The following ZIC4 variants were observed in gnomAD, a reference collection of about 807,000 sequenced individuals.
The protein encoded by ZIC4 is zinc finger protein ZIC 4.
In ZIC4, 15 loss-of-function variants were observed where a neutral mutation model predicts 28.8. That is an observed-to-expected ratio of 0.52 (90% CI 0.35 to 0.80). ZIC4 has a LOEUF of 0.80. ZIC4 is among the 30% of genes least tolerant of loss of function. ZIC4 has a pLI of 0.01. For synonymous variants in ZIC4, 220 were observed against 198.1 expected (o/e 1.11, Z -0.93); for missense variants, 512 against 467.1 (o/e 1.10, Z -0.89).
chr3:147,403,317 C>T (rs1276107060), intron 1 of ZIC4, among the ~76,000 whole-genome samples: 1 of 152,126 alleles, frequency 6.6e-6, no homozygotes, highest in Non-Finnish European at 1.5e-5. Flanking sequence ...TCCTGTTCTG[C>T]CTGTGGTGGT....
In ZIC4 at chr3:147,405,253, C is replaced by T. The variant is rs565892900; in HGVS notation, c.-16+1110G>A. 3.3e-5 allele frequency: 31 copies of T among 935,978 alleles called. No individual in the cohort carries two copies. In the African/African-American group the frequency reaches 4.8e-4, roughly 15 times the overall value. 58.0% of individuals were successfully genotyped at this position (935,978 alleles called of 1,614,324 possible). ...AGTAGATCAGGCTGGGCATTTAGCCCTCCCTTTGAATCACCCCTCCCCCAA... is the reference window on the plus strand; with the variant it reads ...AGTAGATCAGGCTGGGCATTTAGCCTTCCCTTTGAATCACCCCTCCCCCAA... On this transcript the variant is annotated intron_variant, in intron 1 of 4. Transcript: ENST00000383075.
At chr3:147,405,198 C>T (rs2087248535) in intron 1 of ZIC4, among the ~76,000 whole-genome samples, 1 of 152,206 alleles carries the variant, frequency 6.6e-6, no homozygotes, top group Non-Finnish European at 1.5e-5. Context: ...GTGTGGGCAG[C>T]ATCCGGGTGC....
chr3:147,403,547 C>A (rs562094479), intron 1 of ZIC4: 2 of 158,384 alleles, frequency 1.3e-5, no homozygotes, highest in South Asian at 2.0e-4. Context: ...CTAAAGTTAC[C>A]AAGCCATTGG....
intron 1 of ZIC4, chr3:147,403,850 C>A: frequency 9.6e-7 from 1 of 1,042,716 alleles, no homozygotes; most frequent in Non-Finnish European, 1.3e-6. Flanking sequence ...AGATCTCTCT[C>A]TCTCTCTCTC....
intron 2 of ZIC4, among the ~76,000 whole-genome samples, chr3:147,399,098 A>T (rs1488810734): frequency 6.6e-6 from 1 of 152,090 alleles, no homozygotes; most frequent in Non-Finnish European, 1.5e-5. Context: ...TTTAAAAAAA[A>T]AAAATTAGAG....
rs972196910 is a variant in ZIC4, at chr3:147,396,302, G to A, written c.238C>T (p.Pro80Ser). 9 of 1,602,964 alleles carry A rather than the reference G, an allele frequency of 5.6e-6. No homozygotes were observed. In the African/African-American group the frequency reaches 1.2e-4, roughly 22 times the overall value. Reference protein sequence around the residue: ...DMYARPEPFPPGPAARSDALA... With the variant: ...DMYARPEPFPSGPAARSDALA... ...GCGTCGCTGCGGGCCGCAGGCCCTG[G>A]CGGGAAGGGCTCCGGCCGCGCGTAC... Residue 80 changes from proline (P) to serine (S), a missense_variant, in exon 3 of 5, where the codon CCA (proline) becomes TCA (serine). Physicochemically the swap from Pro to Ser is moderately conservative, Grantham distance 74 (BLOSUM62 -1). Transcript: ENST00000383075. The surrounding 1 kb of genome is among the most constrained non-coding windows in gnomAD (Gnocchi z 4.2).
At position 147,404,037 on chromosome 3, in the gene ZIC4, C is replaced by T. The variant is rs192082336; in HGVS notation, c.-15-1225G>A. 280 of 1,537,074 alleles carry T rather than the reference C, an allele frequency of 1.8e-4. No individual in the cohort carries two copies. Among genetic ancestry groups the T allele is most frequent in the Non-Finnish European group, 2.3e-4 (266 of 1,146,904 alleles). ...ATTCTTCCCCAAAGGTAATAAGCTC[C>T]TTCCAGCACAAATCAGGAAAGAAAG... On this transcript the variant is annotated intron_variant, in intron 1 of 4. Transcript: ENST00000383075.
At chr3:147,403,900 C>A in intron 1 of ZIC4, 1 of 1,471,642 alleles carries the variant, frequency 6.8e-7, no homozygotes, top group East Asian at 2.5e-5. Context: ...GGCTTGGCGG[C>A]TTTTACCCTT....
Position 147,387,110 on chromosome 3 carries a change from T to C in ZIC4, c.*1749A>G, listed in dbSNP as rs965509000. On this transcript the variant is annotated 3_prime_UTR_variant, in exon 5 of 5. Transcript: ENST00000383075. ...AATTATGGACTTAGGGTATGTATTC[T>C]GCTTGCACCCTCTCTGCATTCTTTT... 2 of 152,196 alleles carry C rather than the reference T, an allele frequency of 1.3e-5. No homozygotes were observed. Among genetic ancestry groups the C allele is most frequent in the Non-Finnish European group, 2.9e-5 (2 of 68,060 alleles). The allele number at this position is 152,196 out of a possible 1,614,324, so 9.4% of individuals were successfully genotyped here.
At chr3:147,401,369 C>T (rs1346968027) in intron 2 of ZIC4, among the ~76,000 whole-genome samples, 1 of 152,172 alleles carries the variant, frequency 6.6e-6, no homozygotes, top group Non-Finnish European at 1.5e-5. Flanking sequence ...TTAAGCAATG[C>T]TAAATTAAAT....
chr3:147,399,091 A>T (rs939387042), intron 2 of ZIC4, among the ~76,000 whole-genome samples: 4 of 146,988 alleles, frequency 2.7e-5, no homozygotes, highest in South Asian at 2.2e-4. Context: ...CTCAGTATTT[A>T]AAAAAAAAAA....
chr3:147,405,679 T>A, intron 1 of ZIC4: 1 of 618,428 alleles, frequency 1.6e-6, no homozygotes, highest in South Asian at 1.9e-5. Context: ...CCGAACCCAC[T>A]GCTGGCCGCG....
chr3:147,405,415 A>C, intron 1 of ZIC4: 1 of 1,537,198 alleles, frequency 6.5e-7, no homozygotes. Context: ...TGACGGCCGA[A>C]GTGCAACCCT....
chr3:147,393,725 C>T (rs776642533), intron 3 of ZIC4: 8 of 353,208 alleles, frequency 2.3e-5, no homozygotes, highest in Non-Finnish European at 3.9e-5. Context: ...GGATCCCCAG[C>T]ACTGACTCGC....
chr3:147,396,432 G>T lies in ZIC4; in HGVS notation c.108C>A (p.Ala36=). 1 of 1,521,328 alleles carries T rather than the reference G, an allele frequency of 6.6e-7. No individual in the cohort carries two copies. The allele number at this position is 1,521,328 out of a possible 1,614,324, so 94.2% of individuals were successfully genotyped here. A position where few individuals can be genotyped will look rare whatever the true frequency, so the allele number is the denominator to read the frequency against. Residue 36 remains alanine (A), a synonymous_variant, in exon 3 of 5, where the codon GCC becomes GCA. Transcript: ENST00000383075. The surrounding 1 kb of genome is among the most constrained non-coding windows in gnomAD (Gnocchi z 4.2). ...CCGGGAACACCGAGGGGCTGGAGGC[G>T]GCGGTGAGCTGGGGGCCATGGTGTC... ...SSGHHGPQLT[A]ASSPSVFPGL... is the part of the protein sequence containing the mutation.
rs531736391 is a variant in ZIC4 at position 147,394,903 on chromosome 3, C to A, written c.688+949G>T. ...GAATAGGGGCGAGTAAGGCAAGGCA[C>A]CGGGCAGTAGGAGAAGTGGGGCACC... On this transcript the variant is annotated intron_variant, in intron 3 of 4. Transcript: ENST00000383075. Among the ~76,000 whole-genome samples the A allele has an allele frequency of 1.1e-4, 17 of 152,290 alleles. No individual in the cohort carries two copies. The South Asian group carries it at 3.5e-3, about 32-fold the overall frequency.
rs950071580 is a variant in ZIC4, at chr3:147,396,599, G to T, written c.71-130C>A. The T allele has an allele frequency of 2.4e-6, 3 of 1,229,504 alleles. No individual in the cohort carries two copies. Among genetic ancestry groups the T allele is most frequent in the Non-Finnish European group, 3.2e-6 (3 of 929,654 alleles). 76.2% of individuals were successfully genotyped at this position (1,229,504 alleles called of 1,614,324 possible). On this transcript the variant is annotated intron_variant, in intron 2 of 4. Coordinates refer to ENST00000383075, the MANE Select transcript of ZIC4 (RefSeq NM_032153.6). The surrounding 1 kb of genome is among the most constrained non-coding windows in gnomAD (Gnocchi z 4.2). ...CAGTCAGCCGTGGAACTCAGAGCCAGACAGCGCCAGCAGTGAACCCGGTGG... is the reference window on the plus strand; with the variant it reads ...CAGTCAGCCGTGGAACTCAGAGCCATACAGCGCCAGCAGTGAACCCGGTGG...
rs2086810358 is a variant in ZIC4, at chr3:147,387,122, C to T, written c.*1737G>A. On this transcript the variant is annotated 3_prime_UTR_variant, in exon 5 of 5. Transcript: ENST00000383075. Reference sequence around the variant, plus strand: ...AGGGTATGTATTCTGCTTGCACCCTCTCTGCATTCTTTTCCTCATGTCCCA... The same window carrying T: ...AGGGTATGTATTCTGCTTGCACCCTTTCTGCATTCTTTTCCTCATGTCCCA... 6.6e-6 allele frequency: 1 copy of T among 152,200 alleles called. No homozygotes were observed. Among genetic ancestry groups the T allele is most frequent in the African/African-American group, 2.4e-5 (1 of 41,434 alleles). 9.4% of individuals were successfully genotyped at this position (152,200 alleles called of 1,614,324 possible). A position where few individuals can be genotyped will look rare whatever the true frequency, so the allele number is the denominator to read the frequency against.
chr3:147,395,773 T>C (rs760386866), intron 3 of ZIC4, 79 bp downstream of exon 3: 4 of 1,534,864 alleles, frequency 2.6e-6, no homozygotes, highest in Non-Finnish European at 3.5e-6. Context: ...CTCCCCTCAG[T>C]TGGGACTTGA....
Sources: gnomAD v4.1 joint callset for allele counts (sites outside exome capture counted in the v4.1 genomes callset) on GRCh38, gnomAD v4.1.1 for gene constraint, Gnocchi (gnomAD v3.1) non-coding constraint, MANE v1.5 for transcripts, NCBI Gene and HGNC (gene_info 2026-07-23, HGNC 2026-07-21) for gene names.